The following NTAQ1 variants were observed in gnomAD, a reference collection of about 807,000 sequenced individuals.
NTAQ1 encodes N-terminal glutamine amidase 1, also known as protein N-terminal glutamine amidohydrolase.
In NTAQ1, 21 loss-of-function variants were observed where a neutral mutation model predicts 28.2. The ratio of observed to expected loss-of-function variants is 0.74; its 90% CI spans 0.53 to 1.07. NTAQ1 has a LOEUF of 1.07. Ranked by LOEUF, NTAQ1 falls within the 50% of genes least tolerant of loss-of-function variation. NTAQ1 has a pLI of 0.00. For missense variants in NTAQ1, 264 were observed against 256.6 expected (o/e 1.03, Z -0.20); for synonymous variants, 105 against 90.0 (o/e 1.17, Z -0.94).
downstream of NTAQ1, among the ~76,000 whole-genome samples, chr8:123,471,448 T>G (rs1313010178): frequency 6.6e-6 from 1 of 152,070 alleles, no homozygotes; most frequent in Non-Finnish European, 1.5e-5. Flanking sequence ...AGAAATAAAT[T>G]TATTATAAGG....
rs529248480 is a variant in NTAQ1 at position 123,423,004 on chromosome 8, G to A, written c.84-4920G>A. The stretch of plus-strand genomic sequence containing the variant: ...GTTCTCTAACCTGTTCCATTGGTCC[G>A]TGTGTCTGTTTTTGTACCAGTACCA... On this transcript the variant is annotated intron_variant, in intron 1 of 5. Transcript: ENST00000287387. 1.1e-4 allele frequency among the ~76,000 whole-genome samples: 16 copies of A among 152,198 alleles called. No individual in the cohort carries two copies. The East Asian group carries it at 2.3e-3, about 22-fold the overall frequency.
upstream of NTAQ1, chr8:123,416,739 C>T (rs1309801586): frequency 2.7e-6 from 3 of 1,098,038 alleles, no homozygotes; most frequent in Non-Finnish European, 3.6e-6. Context: ...TCCCCCCGGG[C>T]TCCGCCCACC....
chr8:123,459,946 A>G lies in NTAQ1; in HGVS notation c.373-7133A>G, dbSNP rs886563619. Among the ~76,000 whole-genome samples, 19 of 152,044 alleles carry G rather than the reference A, an allele frequency of 1.2e-4. No individual in the cohort carries two copies. In the South Asian group the frequency reaches 3.5e-3, roughly 28 times the overall value. ...CTCCCAAGTAGCTGGGATTACAGGA[A>G]TGCGCCACCATGCCTGGGTAATTTT... On this transcript the variant is annotated intron_variant, in intron 6 of 6. Coordinates refer to the NTAQ1 transcript ENST00000650311.
intron 3 of NTAQ1, among the ~76,000 whole-genome samples, chr8:123,433,194 A>G (rs1215742325): frequency 6.6e-6 from 1 of 152,202 alleles, no homozygotes; most frequent in East Asian, 1.9e-4. Context: ...CATCTGTGCC[A>G]TGAAGGCAAT....
At chr8:123,427,766 G>C (rs1814152086) in intron 1 of NTAQ1, among the ~76,000 whole-genome samples, 158 bp from the exon 2 acceptor site, 2 of 152,152 alleles carry the variant, frequency 1.3e-5, no homozygotes, top group African/African-American at 4.8e-5. Flanking sequence ...CCAGCTTGTT[G>C]GGATGTTTTA....
chr8:123,459,117 G>T (rs887464340), intron 6 of NTAQ1, among the ~76,000 whole-genome samples: 4 of 152,048 alleles, frequency 2.6e-5, no homozygotes, highest in African/African-American at 9.6e-5. Flanking sequence ...CAGATGTGGT[G>T]GTGTGTGCCT....
At chr8:123,433,473 A>G (rs1215205173) in intron 3 of NTAQ1, among the ~76,000 whole-genome samples, 1 of 151,950 alleles carries the variant, frequency 6.6e-6, no homozygotes, top group East Asian at 1.9e-4. Flanking sequence ...TTTGAGACAG[A>G]TTCTTGCTCT....
downstream of NTAQ1, among the ~76,000 whole-genome samples, chr8:123,452,439 A>G (rs868727183): frequency 2.6e-5 from 4 of 152,224 alleles, no homozygotes; most frequent in Middle Eastern, 3.2e-3. Context: ...TCTACTAAAA[A>G]TATGAAAATT....
intron 5 of NTAQ1, among the ~76,000 whole-genome samples, chr8:123,440,561 G>A (rs536256354): frequency 2.7e-4 from 41 of 149,514 alleles, no homozygotes; most frequent in Admixed American, 5.4e-4. Context: ...GTGAAGTGGC[G>A]TGATCTTGGC....
At chr8:123,475,179 T>G in the NTAQ1 span, among the ~76,000 whole-genome samples, 1 of 152,242 alleles carries the variant, frequency 6.6e-6, no homozygotes, top group African/African-American at 2.4e-5. Flanking sequence ...CTCCAGTGGT[T>G]CCAGCTCTGG....
At chr8:123,435,051 G>A (rs1814620074) in intron 3 of NTAQ1, among the ~76,000 whole-genome samples, 1 of 152,170 alleles carries the variant, frequency 6.6e-6, no homozygotes, top group Non-Finnish European at 1.5e-5. Context: ...GAGAAAGAAA[G>A]TGCCTTTTAA....
At position 123,441,461 on chromosome 8, in the gene NTAQ1, A is replaced by G. The variant is rs749900260; in HGVS notation, c.*46A>G. On this transcript the variant is annotated 3_prime_UTR_variant, in exon 6 of 6. Coordinates refer to ENST00000287387, the MANE Select transcript of NTAQ1 (RefSeq NM_018024.3). ...ACTGTGGAGAAATTCTAGGACATGAACAAGCTATCCTTTCATCGAGGACAG... is the reference window on the plus strand; with the variant it reads ...ACTGTGGAGAAATTCTAGGACATGAGCAAGCTATCCTTTCATCGAGGACAG... 2.5e-5 allele frequency: 36 copies of G among 1,452,662 alleles called. No individual in the cohort carries two copies. Among genetic ancestry groups the G allele is most frequent in the Middle Eastern group, 3.4e-4 (2 of 5,814 alleles). 90.0% of individuals were successfully genotyped at this position (1,452,662 alleles called of 1,614,324 possible). A position where few individuals can be genotyped will look rare whatever the true frequency, so the allele number is the denominator to read the frequency against.
downstream of NTAQ1, among the ~76,000 whole-genome samples, chr8:123,472,744 G>A (rs967096651): frequency 6.6e-6 from 1 of 152,192 alleles, no homozygotes; most frequent in African/African-American, 2.4e-5. Context: ...GTTCTGGATA[G>A]ACATGCATTT....
chr8:123,468,674 C>T (rs1190507922), exon 7 of NTAQ1, among the ~76,000 whole-genome samples: 1 of 152,200 alleles, frequency 6.6e-6, no homozygotes, highest in Admixed American at 6.5e-5. Context: ...CATAGATGTG[C>T]AAATATCTCT....
At chr8:123,463,089 T>G (rs1387735121) in intron 6 of NTAQ1, among the ~76,000 whole-genome samples, 1 of 152,186 alleles carries the variant, frequency 6.6e-6, no homozygotes, top group Non-Finnish European at 1.5e-5. Context: ...GGAAGAACAC[T>G]TTTTCTTTCT....
At chr8:123,438,033 T>A in intron 5 of NTAQ1, 1 of 617,550 alleles carries the variant, frequency 1.6e-6, no homozygotes, top group Non-Finnish European at 2.9e-6. Context: ...ATCCTTATGA[T>A]GTGTGAAATG....
At chr8:123,436,357 G>A in intron 3 of NTAQ1, 96 bp from the exon 4 acceptor site, 2 of 1,228,068 alleles carry the variant, frequency 1.6e-6, no homozygotes, top group East Asian at 2.4e-5. Context: ...GGCTGTAGCA[G>A]TCCTATATCC....
At chr8:123,459,468 T>C (rs1815754187) in intron 6 of NTAQ1, among the ~76,000 whole-genome samples, 1 of 152,112 alleles carries the variant, frequency 6.6e-6, no homozygotes, top group Admixed American at 6.5e-5. Context: ...CTTCCCCATC[T>C]CTAAAGAATG....
At chr8:123,457,799 C>T (rs566671428) in intron 6 of NTAQ1, among the ~76,000 whole-genome samples, 191 of 151,642 alleles carry the variant, frequency 1.3e-3, no homozygotes, top group Non-Finnish European at 2.3e-3. Context: ...TTTGGGAGGC[C>T]GAGGCGGATG....
Sources: gnomAD v4.1 joint callset for allele counts (sites outside exome capture counted in the v4.1 genomes callset) on GRCh38, gnomAD v4.1.1 for gene constraint, MANE v1.5 for transcripts, NCBI Gene and HGNC (gene_info 2026-07-23, HGNC 2026-07-21) for gene names.